The following SON variants were observed in gnomAD, a reference collection of about 807,000 sequenced individuals.
The protein encoded by SON is protein SON.
SON carries 4 observed loss-of-function variants against 173.3 expected under a neutral mutation model. The observed-to-expected ratio is 0.02, with a 90% CI of 0.01 to 0.05. The LOEUF (loss-of-function observed/expected upper bound fraction) is 0.05, where lower values mean the gene tolerates loss of function less well. Ranked by LOEUF, SON falls within the 10% of genes least tolerant of loss-of-function variation. The pLI, the probability that SON is intolerant of heterozygous loss-of-function variation, is 1.00. For synonymous variants in SON, 1,190 were observed against 1,105.9 expected, an observed-to-expected ratio of 1.08 and a Z score of -1.51; for missense variants, 2,626 against 3,055.3, an observed-to-expected ratio of 0.86 and a Z score of 3.31.
Position 33,549,912 on chromosome 21 carries a change from G to C in SON, c.681G>C (p.Glu227Asp). The change falls in exon 3 of 12, where the codon GAG (glutamate) becomes GAC (aspartate). Residue 227 changes from glutamate (E) to aspartate (D), a missense_variant. Physicochemically the swap from Glu to Asp is conservative, Grantham distance 45. Around this residue, in one of 13 missense-constraint regions of SON, gnomAD observed 757 missense variants for 730.1 expected, o/e 1.04. Coordinates refer to ENST00000356577, the MANE Select transcript of SON (RefSeq NM_138927.4). ...VSTSVISEQS[E>D]QSVAVMPEPS... ...CATCAGTAATCTCAGAGCAGTCAGA[G>C]CAGTCTGTGGCAGTAATGCCAGAAC... is the stretch of plus-strand genomic sequence containing the variant. 6.2e-7 allele frequency: 1 copy of C among 1,614,222 alleles called. No individual in the cohort carries two copies. The highest frequency in any genetic ancestry group is 8.5e-7 in the Non-Finnish European group (1 of 1,180,044).
In SON at chr21:33,553,968, T is replaced by C. The variant is rs1272177615; in HGVS notation, c.4737T>C (p.Asp1579=). 6 of 1,614,178 alleles carry C rather than the reference T, an allele frequency of 3.7e-6. No homozygotes were observed. The highest frequency in any genetic ancestry group is 5.1e-6 in the Non-Finnish European group (6 of 1,180,002). Residue 1579 remains aspartate (D), a synonymous_variant, in exon 3 of 12, where the codon GAT becomes GAC. Coordinates refer to ENST00000356577, the MANE Select transcript of SON (RefSeq NM_138927.4). ...AGACTAAACAGCGCACAGTATTGGA[T>C]ACCTACCCTGGTGTTAGTGAAGCTG... ...TSETKQRTVL[D]TYPGVSEADA...
At chr21:33,573,617 A>G (rs960892786) in intron 9 of SON, among the ~76,000 whole-genome samples, 162 bp downstream of exon 9, 2 of 152,188 alleles carry the variant, frequency 1.3e-5, no homozygotes, top group Non-Finnish European at 2.9e-5. Flanking sequence ...AGAGCAGCTT[A>G]TTTTTATATA....
Position 33,550,162 on chromosome 21 carries a change from G to C in SON, c.931G>C (p.Glu311Gln). The C allele has an allele frequency of 6.2e-7, 1 of 1,614,228 alleles. No homozygotes were observed. Among genetic ancestry groups the C allele is most frequent in the Non-Finnish European group, 8.5e-7 (1 of 1,180,036 alleles). Residue 311 changes from glutamate (E) to glutamine (Q), a missense_variant, in exon 3 of 12, where the codon GAG becomes CAG. This residue lies in a region of SON where 757 missense variants were observed against 730.1 expected (regional missense o/e 1.04). Coordinates refer to ENST00000356577, the MANE Select transcript of SON (RefSeq NM_138927.4). ...TTCAGAAACCCTTGTGGTATCATCA[G>C]AGACACCTACTGAGGTGTACCCTGA... ...EPSETLVVSS[E>Q]TPTEVYPEPS...
intron 6 of SON, among the ~76,000 whole-genome samples, chr21:33,566,600 A>G (rs1298186633): frequency 6.6e-6 from 1 of 152,098 alleles, no homozygotes. Flanking sequence ...TTATATCCTG[A>G]ATATATTGTT....
In SON at chr21:33,552,417, T is replaced by C. The variant is rs199867042; in HGVS notation, c.3186T>C (p.Tyr1062=). The C allele has an allele frequency of 4.2e-5, 67 of 1,613,886 alleles. No individual in the cohort carries two copies. The highest frequency in any genetic ancestry group is 3.8e-4 in the Admixed American group (23 of 60,004). Residue 1062 remains tyrosine, a synonymous_variant, in exon 3 of 12, where the codon TAT becomes TAC. Coordinates refer to ENST00000356577, the MANE Select transcript of SON (RefSeq NM_138927.4). The surrounding 1 kb of genome is among the most constrained non-coding windows in gnomAD (Gnocchi z 5.6). ...PMAERSMMSA[Y]ERSMMSAYER... is the part of the protein sequence containing the mutation. ...CTGAGCGCTCTATGATGTCAGCTTATGAACGCTCCATGATGTCAGCTTATG... is the reference window on the plus strand; with the variant it reads ...CTGAGCGCTCTATGATGTCAGCTTACGAACGCTCCATGATGTCAGCTTATG...
intron 2 of SON, 98 bp downstream of exon 2, chr21:33,546,477 T>C (rs1265350661): frequency 6.0e-6 from 6 of 1,000,996 alleles, no homozygotes; most frequent in African/African-American, 5.0e-5. Flanking sequence ...ATTTAAGATA[T>C]TTATTAAATT....
At chr21:33,543,500 C>G in intron 1 of SON, 2 of 326,644 alleles carry the variant, frequency 6.1e-6, no homozygotes, top group East Asian at 1.4e-4. Context: ...GGCCTAGTTC[C>G]TTCCTCAGCT....
Position 33,552,321 on chromosome 21 carries a change from A to ACGCTCTATGATGTCAGCCTACGAG in SON, c.3129_3152dup (p.Ala1044_Ser1051dup), listed in dbSNP as rs746317953. The ACGCTCTATGATGTCAGCCTACGAG allele has an allele frequency of 1.9e-6, 3 of 1,613,582 alleles. No individual in the cohort carries two copies. Among genetic ancestry groups the ACGCTCTATGATGTCAGCCTACGAG allele is most frequent in the Admixed American group, 1.7e-5 (1 of 59,952 alleles). On this transcript the variant is annotated inframe_insertion, in exon 3 of 12. Transcript: ENST00000356577. This position sits in a 1 kb window ranked among gnomAD's most constrained non-coding sequence, Gnocchi z 5.6. ...GGTCTATGATGTCCCCTATGGCTGA[A>ACGCTCTATGATGTCAGCCTACGAG]CGCTCTATGATGTCAGCCTACGAGC...
intron 4 of SON, chr21:33,557,574 G>T (rs1163898128): frequency 2.5e-5 from 38 of 1,550,390 alleles, no homozygotes; most frequent in Non-Finnish European, 3.0e-5. Context: ...CTGAGGAGTG[G>T]GACGGTTCGT....
intron 1 of SON, among the ~76,000 whole-genome samples, chr21:33,543,689 A>C (rs1326354685): frequency 6.6e-6 from 1 of 152,236 alleles, no homozygotes; most frequent in African/African-American, 2.4e-5. Flanking sequence ...TTCGGGGCCT[A>C]GTGTCCTGTA....
At chr21:33,555,929 CTAAA>C (rs1266430650) in intron 3 of SON, among the ~76,000 whole-genome samples, 7 of 152,082 alleles carry the variant, frequency 4.6e-5, no homozygotes, top group East Asian at 1.9e-4. Flanking sequence ...GTGATACTAG[CTAAA>C]TAAAGTTAAA....
intron 6 of SON, among the ~76,000 whole-genome samples, chr21:33,564,483 C>T (rs531121381): frequency 2.6e-5 from 4 of 152,076 alleles, no homozygotes; most frequent in Admixed American, 2.0e-4. Context: ...TGGAAACAGG[C>T]TTTTTGATGT....
Position 33,546,307 on chromosome 21 carries a change from A to G in SON, c.172A>G (p.Asn58Asp). Residue 58 changes from asparagine (N) to aspartate (D), a missense_variant, in exon 2 of 12, where the codon AAT becomes GAT. Around this residue, in one of 13 missense-constraint regions of SON, gnomAD observed 757 missense variants for 730.1 expected, o/e 1.04. Coordinates refer to ENST00000356577, the MANE Select transcript of SON (RefSeq NM_138927.4). ...DAAASARSLP[N>D]EEIVQKIEEV... ...AGCTGCCTCTGCCAGGAGTCTACCA[A>G]ATGAAGAAATAGTGCAGAAGATAGA... 3 of 1,613,824 alleles carry G rather than the reference A, an allele frequency of 1.9e-6. No individual in the cohort carries two copies. Among genetic ancestry groups the G allele is most frequent in the Non-Finnish European group, 2.5e-6 (3 of 1,179,808 alleles).
chr21:33,557,686 A>G, intron 4 of SON: 2 of 1,468,852 alleles, frequency 1.4e-6, no homozygotes, highest in Non-Finnish European at 1.8e-6. Context: ...TACTGCATAT[A>G]CGCAAAGACA....
intron 1 of SON, among the ~76,000 whole-genome samples, chr21:33,545,542 C>A (rs1193157171): frequency 6.6e-6 from 1 of 152,206 alleles, no homozygotes; most frequent in African/African-American, 2.4e-5. Flanking sequence ...TTAAAAATTT[C>A]TCTGGCCCTG....
chr21:33,550,924 T>G lies in SON; in HGVS notation c.1693T>G (p.Ser565Ala), dbSNP rs1569053070. 1 of 1,602,164 alleles carries G rather than the reference T, an allele frequency of 6.2e-7. No homozygotes were observed. Among genetic ancestry groups the G allele is most frequent in the Non-Finnish European group, 8.5e-7 (1 of 1,173,180 alleles). The change falls in exon 3 of 12, where the codon TCG becomes GCG. Residue 565 changes from serine (S) to alanine (A), a missense_variant. Physicochemically the swap from Ser to Ala is moderately conservative, Grantham distance 99. This residue lies in a region of SON where 757 missense variants were observed against 730.1 expected (regional missense o/e 1.04). Coordinates refer to ENST00000356577, the MANE Select transcript of SON (RefSeq NM_138927.4). ...TTALELPGQP[S>A]VTGVPELPGL... Reference sequence around the variant, plus strand: ...AGCGCTGGAGTTGCCGGGGCAGCCTTCGGTGACTGGGGTGCCAGAGTTGCC... The same window carrying G: ...AGCGCTGGAGTTGCCGGGGCAGCCTGCGGTGACTGGGGTGCCAGAGTTGCC...
At chr21:33,561,343 G>C (rs183505472) in intron 6 of SON, among the ~76,000 whole-genome samples, 1 of 152,250 alleles carries the variant, frequency 6.6e-6, no homozygotes, top group Non-Finnish European at 1.5e-5. Flanking sequence ...TGTAGTAGCT[G>C]AATAGAAACC....
Position 33,553,376 on chromosome 21 carries a change from C to G in SON, c.4145C>G (p.Thr1382Ser), listed in dbSNP as rs1601267949. 3 of 1,613,918 alleles carry G rather than the reference C, an allele frequency of 1.9e-6. No individual in the cohort carries two copies. Among genetic ancestry groups the G allele is most frequent in the African/African-American group, 2.7e-5 (2 of 74,932 alleles). ...TVTVLESSTV[T>S]VLEPSVVTVP... ...ACTGTCCTGGAGTCTTCGACTGTAA[C>G]TGTCCTGGAGCCTTCGGTTGTGACT... Residue 1382 changes from threonine (T) to serine (S), a missense_variant, in exon 3 of 12, where the codon ACT (threonine) becomes AGT (serine). Thr to Ser is a moderately conservative substitution (Grantham distance 58, BLOSUM62 1). Coordinates refer to ENST00000356577, the MANE Select transcript of SON (RefSeq NM_138927.4).
In SON at chr21:33,550,882, C is replaced by G. The variant is rs2085761347; in HGVS notation, c.1651C>G (p.Gln551Glu). The change falls in exon 3 of 12, where the codon CAG becomes GAG. Residue 551 changes from glutamine to glutamate, a missense_variant. Gln to Glu is a conservative substitution (Grantham distance 29). Transcript: ENST00000356577. ...EATMVLELPGQPVATTALELP... is the reference protein window; with the variant it reads ...EATMVLELPGEPVATTALELP... ...AACGATGGTGCTGGAGTTGCCAGGA[C>G]AGCCAGTGGCAACGACAGCGCTGGA... 1 of 1,611,524 alleles carries G rather than the reference C, an allele frequency of 6.2e-7. No homozygotes were observed. Among genetic ancestry groups the G allele is most frequent in the African/African-American group, 1.3e-5 (1 of 74,848 alleles).
Sources: allele counts gnomAD v4.1 joint callset (sites outside exome capture counted in the v4.1 genomes callset), GRCh38; gene constraint gnomAD v4.1.1; regional missense constraint gnomAD v4.1.1; non-coding constraint Gnocchi (gnomAD v3.1); transcripts MANE v1.5; gene names NCBI Gene and HGNC (gene_info 2026-07-23, HGNC 2026-07-21).